The following SPAG16 variants were observed in gnomAD, a reference collection of about 807,000 sequenced individuals.
SPAG16 encodes the protein sperm-associated antigen 16 protein.
In SPAG16, 86 loss-of-function variants were observed where a neutral mutation model predicts 80.4. The observed-to-expected ratio is 1.07, with a 90% CI of 0.90 to 1.28. The LOEUF is 1.28. Ranked by LOEUF, SPAG16 falls within the 50% of genes most tolerant of loss-of-function variation. The pLI, the probability that SPAG16 is intolerant of heterozygous loss-of-function variation, is 0.00. For synonymous variants in SPAG16, 294 were observed against 265.9 expected (o/e 1.11, Z -1.03); for missense variants, 870 against 765.3 (o/e 1.14, Z -1.61).
chr2:213,555,070 AG>A (rs1340852700), intron 10 of SPAG16, among the ~76,000 whole-genome samples: 1 of 152,192 alleles, frequency 6.6e-6, no homozygotes, highest in Non-Finnish European at 1.5e-5. Context: ...ACAAATAAAA[AG>A]AGGGGACCCC....
intron 11 of SPAG16, among the ~76,000 whole-genome samples, chr2:213,900,747 T>C (rs2077187685): frequency 6.6e-6 from 1 of 152,202 alleles, no homozygotes; most frequent in South Asian, 2.1e-4. Flanking sequence ...TCATTTTTCC[T>C]CTCCTATTTT....
chr2:213,759,832 C>A lies in SPAG16; in HGVS notation c.1071-102653C>A, dbSNP rs371731684. Among the ~76,000 whole-genome samples, 13 of 152,074 alleles carry A rather than the reference C, an allele frequency of 8.5e-5. No individual in the cohort carries two copies. The East Asian group carries it at 2.3e-3, about 27-fold the overall frequency. On this transcript the variant is annotated intron_variant, in intron 10 of 15. Coordinates refer to ENST00000331683, the MANE Select transcript of SPAG16 (RefSeq NM_024532.5). ...TGGGTGGATCATGAAGTCAGGAGAT[C>A]GAAACCATCCTGGCCAACATGGTGA...
intron 14 of SPAG16, among the ~76,000 whole-genome samples, chr2:214,140,005 A>G (rs1173564513): frequency 1.3e-5 from 2 of 152,174 alleles, no homozygotes; most frequent in African/African-American, 2.4e-5. Context: ...GGCCAAACCA[A>G]TATGTATCTC....
At chr2:213,297,798 G>C (rs1175266541) in intron 3 of SPAG16, among the ~76,000 whole-genome samples, 1 of 152,122 alleles carries the variant, frequency 6.6e-6, no homozygotes, top group East Asian at 1.9e-4. Flanking sequence ...AAGGAATGTG[G>C]TGGGGGATGT....
chr2:214,027,920 G>A (rs993974456), intron 13 of SPAG16, among the ~76,000 whole-genome samples: 3 of 151,810 alleles, frequency 2.0e-5, no homozygotes, highest in Admixed American at 1.3e-4. Flanking sequence ...GGAATGTATC[G>A]TGATTGTCTT....
chr2:213,555,372 A>G (rs1025396946), intron 10 of SPAG16, among the ~76,000 whole-genome samples: 1 of 152,156 alleles, frequency 6.6e-6, no homozygotes, highest in Non-Finnish European at 1.5e-5. Flanking sequence ...TCATGATAGT[A>G]AGTGAGTCTC....
At chr2:213,821,369 A>AT in intron 10 of SPAG16, among the ~76,000 whole-genome samples, 1 of 152,044 alleles carries the variant, frequency 6.6e-6, no homozygotes, top group African/African-American at 2.4e-5. Context: ...TTAAAATTTT[A>AT]TTTTTTCATA....
At chr2:213,305,002 C>T (rs1003901741) in intron 3 of SPAG16, among the ~76,000 whole-genome samples, 1 of 152,076 alleles carries the variant, frequency 6.6e-6, no homozygotes, top group Non-Finnish European at 1.5e-5. Flanking sequence ...TCTTCTAATC[C>T]ATGAACATGG....
chr2:213,389,998 C>A (rs777160394), intron 9 of SPAG16, among the ~76,000 whole-genome samples: 3 of 152,054 alleles, frequency 2.0e-5, no homozygotes, highest in Non-Finnish European at 4.4e-5. Context: ...TCATTGGCAG[C>A]TGAAGGAATA....
rs553945887 is a variant in SPAG16, at chr2:213,943,902, T to C, written c.1400+13757T>C. Among the ~76,000 whole-genome samples the C allele has an allele frequency of 5.9e-5, 9 of 152,300 alleles. No homozygotes were observed. The East Asian group carries it at 1.5e-3, about 26-fold the overall frequency. On this transcript the variant is annotated intron_variant, in intron 12 of 15. Coordinates refer to ENST00000331683, the MANE Select transcript of SPAG16 (RefSeq NM_024532.5). ...AGACGGAAATACACCACAGAAATAC[T>C]GGCACCAAAATGGAATAAAATGAAG... is the stretch of plus-strand genomic sequence containing the variant.
At chr2:214,180,469 A>C (rs1353553475) in intron 15 of SPAG16, among the ~76,000 whole-genome samples, 1 of 151,688 alleles carries the variant, frequency 6.6e-6, no homozygotes, top group Non-Finnish European at 1.5e-5. Context: ...AGTATTTAGT[A>C]TCCAAGTATT....
At chr2:213,367,085 G>A (rs944645886) in intron 8 of SPAG16, among the ~76,000 whole-genome samples, 1 of 152,090 alleles carries the variant, frequency 6.6e-6, no homozygotes, top group African/African-American at 2.4e-5. Flanking sequence ...ATGGTTTCCA[G>A]TTTCATCCAT....
chr2:213,852,221 A>G (rs1488271925), intron 10 of SPAG16, among the ~76,000 whole-genome samples: 2 of 152,242 alleles, frequency 1.3e-5, no homozygotes, highest in Non-Finnish European at 1.5e-5. Context: ...ATCTGCCATG[A>G]TGATGAGGAG....
At chr2:213,680,468 A>G (rs2064324932) in intron 10 of SPAG16, among the ~76,000 whole-genome samples, 1 of 151,898 alleles carries the variant, frequency 6.6e-6, no homozygotes, top group Non-Finnish European at 1.5e-5. Flanking sequence ...TTACAAAGGC[A>G]AAAACAAGGG....
At chr2:213,548,254 C>T (rs2076676199) in intron 10 of SPAG16, among the ~76,000 whole-genome samples, 1 of 152,100 alleles carries the variant, frequency 6.6e-6, no homozygotes, top group Non-Finnish European at 1.5e-5. Flanking sequence ...CGCTCTGTCG[C>T]CAGGTTGGAG....
chr2:213,298,350 A>G (rs888914031), intron 3 of SPAG16, among the ~76,000 whole-genome samples: 16 of 152,278 alleles, frequency 1.1e-4, no homozygotes, highest in South Asian at 1.0e-3. Context: ...CAAAGCAATA[A>G]TTTGTAGGAA....
At chr2:213,327,314 G>T (rs2063886747) in intron 5 of SPAG16, among the ~76,000 whole-genome samples, 1 of 151,932 alleles carries the variant, frequency 6.6e-6, no homozygotes, top group Non-Finnish European at 1.5e-5. Flanking sequence ...CAGCAGGAAG[G>T]TCATAATAGG....
chr2:213,396,733 G>A (rs1411982716), intron 9 of SPAG16: 1 of 442,286 alleles, frequency 2.3e-6, no homozygotes, highest in African/African-American at 2.0e-5. Flanking sequence ...GGAGCCAAAT[G>A]GGAAATTCTG....
intron 15 of SPAG16, among the ~76,000 whole-genome samples, chr2:214,223,683 T>C (rs1040168193): frequency 1.3e-5 from 2 of 152,110 alleles, no homozygotes; most frequent in Non-Finnish European, 2.9e-5. Context: ...AATTTTAAAT[T>C]ATAATTCTTA....
Sources: gnomAD v4.1 joint callset for allele counts (sites outside exome capture counted in the v4.1 genomes callset) on GRCh38, gnomAD v4.1.1 for gene constraint, MANE v1.5 for transcripts, NCBI Gene and HGNC (gene_info 2026-07-23, HGNC 2026-07-21) for gene names.